Variants in PRTG observed in about 807,000 individuals in gnomAD.
The protein encoded by PRTG is protogenin, also known as immunoglobulin superfamily, DCC subclass, member 5.
In PRTG, 67 loss-of-function variants were observed where a neutral mutation model predicts 122.5. The observed-to-expected ratio is 0.55, with a 90% confidence interval of 0.45 to 0.67. PRTG has a LOEUF of 0.67. Among genes scored for constraint, PRTG ranks in the 30% least tolerant of loss-of-function variants. PRTG has a pLI of 0.00. For synonymous variants in PRTG, 554 were observed against 501.1 expected, an observed-to-expected ratio of 1.11 and a Z score of -1.41; for missense variants, 1,435 against 1,415.4, an observed-to-expected ratio of 1.01 and a Z score of -0.22.
rs1004475934 is a variant in PRTG, at chr15:55,677,850, A to C, written c.1328T>G (p.Leu443Arg). The C allele has an allele frequency of 1.2e-6, 2 of 1,613,916 alleles. No homozygotes were observed. The highest frequency in any genetic ancestry group is 2.7e-5 in the African/African-American group (2 of 75,040). The change falls in exon 8 of 20, where the codon CTT (leucine) becomes CGT (arginine). Residue 443 changes from leucine to arginine, a missense_variant. Transcript: ENST00000389286. Reference sequence around the variant, plus strand: ...GGCAATGACTTTGTCTGAATTATAAAGTGGCCTCTCCCAGGCTAAAAGAAT... The same window carrying C: ...GGCAATGACTTTGTCTGAATTATAACGTGGCCTCTCCCAGGCTAAAAGAAT... ...SAILLAWERP[L>R]YNSDKVIAYS...
In PRTG at chr15:55,611,608, T is replaced by G. The variant is rs1166867034; in HGVS notation, c.*8404A>C. ...ATCAATCAGTATTTAGACAGCAGTT[T>G]CATAAACATTTTGGCATTTAAACTT... On this transcript the variant is annotated 3_prime_UTR_variant, in exon 20 of 20. Coordinates refer to ENST00000389286, the MANE Select transcript of PRTG (RefSeq NM_173814.6). 2 of 152,118 alleles carry G rather than the reference T, an allele frequency of 1.3e-5. No homozygotes were observed. Among genetic ancestry groups the G allele is most frequent in the Non-Finnish European group, 2.9e-5 (2 of 67,996 alleles). 9.4% of individuals were successfully genotyped at this position (152,118 alleles called of 1,614,324 possible).
chr15:55,675,476 A>G (rs781116866), intron 9 of PRTG, 43 bp downstream of exon 9: 4 of 1,370,620 alleles, frequency 2.9e-6, no homozygotes, highest in Non-Finnish European at 2.0e-6. Context: ...GACAAAACAT[A>G]CGAATGTTCA....
chr15:55,637,317 C>G lies in PRTG; in HGVS notation c.2476G>C (p.Val826Leu), dbSNP rs10518816. The G allele has an allele frequency of 5.2e-3, 8,315 of 1,612,858 alleles. 359 individuals are homozygous for G. The African/African-American group carries it at 0.093, about 18-fold the overall frequency. The change falls in exon 15 of 20, where the codon GTA (valine) becomes CTA (leucine). Residue 826 changes from valine (V) to leucine (L), a missense_variant. By Grantham distance (32) the Val-to-Leu change is conservative. Coordinates refer to ENST00000389286, the MANE Select transcript of PRTG (RefSeq NM_173814.6). ...TCATCCTCTATTAATGTCACTTTTA[C>G]TCCAACTGGTGGGCCTGCTGGTGCT... Reference protein sequence around the residue: ...PEAPAGPPVGVKVTLIEDDTA... With the variant: ...PEAPAGPPVGLKVTLIEDDTA...
chr15:55,638,838 A>T (rs2059272900), intron 13 of PRTG, among the ~76,000 whole-genome samples, 162 bp from the exon 14 acceptor site: 1 of 152,228 alleles, frequency 6.6e-6, no homozygotes, highest in Non-Finnish European at 1.5e-5. Context: ...ATTGGACTTT[A>T]AAAAATACTA....
At position 55,613,165 on chromosome 15, in the gene PRTG, C is replaced by G. The variant is rs1322745290; in HGVS notation, c.*6847G>C. The G allele has an allele frequency of 6.6e-6, 1 of 152,040 alleles. No individual in the cohort carries two copies. Among genetic ancestry groups the G allele is most frequent in the Non-Finnish European group, 1.5e-5 (1 of 67,950 alleles). 9.4% of individuals were successfully genotyped at this position (152,040 alleles called of 1,614,324 possible). On this transcript the variant is annotated 3_prime_UTR_variant, in exon 20 of 20. Coordinates refer to ENST00000389286, the MANE Select transcript of PRTG (RefSeq NM_173814.6). ...TGTACCAAACGATTCTCAAAATTGT[C>G]AAGATTAGAACTTAGGTGCTCCAAA...
rs551641293 is a variant in PRTG at position 55,711,740 on chromosome 15, A to T, written c.398-27809T>A. On this transcript the variant is annotated intron_variant, in intron 2 of 19. Coordinates refer to ENST00000389286, the MANE Select transcript of PRTG (RefSeq NM_173814.6). ...GAGTAAGTGCAACTGTGATCAGCCA[A>T]TCCTGGCCCTTATGAGCAGAACCAC... Among the ~76,000 whole-genome samples, 2 of 152,316 alleles carry T rather than the reference A, an allele frequency of 1.3e-5. 1 individual carries two copies. The highest frequency in any genetic ancestry group is 6.8e-3 in the Middle Eastern group (2 of 294).
intron 11 of PRTG, among the ~76,000 whole-genome samples, chr15:55,661,672 T>C (rs766297616): frequency 3.9e-5 from 6 of 152,290 alleles, no homozygotes; most frequent in East Asian, 3.9e-4. Flanking sequence ...CTTCTCCACA[T>C]GAACTGCTTT....
At chr15:55,684,697 G>T in intron 2 of PRTG, among the ~76,000 whole-genome samples, 1 of 12,844 alleles carries the variant, frequency 7.8e-5, no homozygotes, top group Non-Finnish European at 8.1e-3. Context: ...GAACTGGGTG[G>T]TGGCAGTGGA....
intron 1 of PRTG, 99 bp downstream of exon 1, chr15:55,742,739 C>T (rs1595692535): frequency 1.4e-6 from 2 of 1,433,886 alleles, no homozygotes; most frequent in Non-Finnish European, 1.9e-6. Context: ...AGGACCCCGC[C>T]GCGCGCTCCC....
At chr15:55,696,865 T>G (rs2059634786) in intron 2 of PRTG, among the ~76,000 whole-genome samples, 1 of 152,148 alleles carries the variant, frequency 6.6e-6, no homozygotes, top group African/African-American at 2.4e-5. Context: ...AATATTTAGA[T>G]CAAAATACGT....
chr15:55,740,725 A>C, intron 1 of PRTG, 41 bp from the exon 2 acceptor site: 2 of 1,531,246 alleles, frequency 1.3e-6, no homozygotes, highest in Non-Finnish European at 1.8e-6. Flanking sequence ...CCAGAATTAC[A>C]GGCATAAAAT....
In PRTG at chr15:55,613,788, A is replaced by T. The variant is rs1259534135; in HGVS notation, c.*6224T>A. Reference sequence around the variant, plus strand: ...TTTTTTTTTTTTTTTTTTTAAGCTGAGACAATGTATCATAGTCCTATACAC... The same window carrying T: ...TTTTTTTTTTTTTTTTTTTAAGCTGTGACAATGTATCATAGTCCTATACAC... On this transcript the variant is annotated 3_prime_UTR_variant, in exon 20 of 20. Coordinates refer to ENST00000389286, the MANE Select transcript of PRTG (RefSeq NM_173814.6). 2 of 134,500 alleles carry T rather than the reference A, an allele frequency of 1.5e-5. No homozygotes were observed. The highest frequency in any genetic ancestry group is 2.8e-5 in the African/African-American group (1 of 35,696). The allele number at this position is 134,500 out of a possible 1,614,324, so 8.3% of individuals were successfully genotyped here.
At chr15:55,665,535 T>C (rs1595631502) in intron 11 of PRTG, among the ~76,000 whole-genome samples, 1 of 151,250 alleles carries the variant, frequency 6.6e-6, no homozygotes, top group Non-Finnish European at 1.5e-5. Context: ...CTTTCAGTGG[T>C]TAAAAAAATT....
chr15:55,638,686 C>T lies in PRTG; in HGVS notation c.2325-10G>A, dbSNP rs375251863. ...CATGTGAGTTTCTGATCTATAATAA[C>T]GAGTGATGAAGTTGTTAATGCTGGT... On this transcript the variant is annotated splice_polypyrimidine_tract_variant and intron_variant, in intron 13 of 19. Coordinates refer to ENST00000389286, the MANE Select transcript of PRTG (RefSeq NM_173814.6). 112 of 1,607,772 alleles carry T rather than the reference C, an allele frequency of 7.0e-5. No individual in the cohort carries two copies. Among genetic ancestry groups the T allele is most frequent in the East Asian group, 6.7e-5 (3 of 44,694 alleles).
At chr15:55,652,409 C>A (rs2059357738) in intron 11 of PRTG, among the ~76,000 whole-genome samples, 1 of 152,302 alleles carries the variant, frequency 6.6e-6, no homozygotes, top group South Asian at 2.1e-4. Context: ...TTAATTTAAT[C>A]TTTTGTGCTA....
intron 2 of PRTG, among the ~76,000 whole-genome samples, chr15:55,714,865 A>T (rs1055254142): frequency 6.6e-6 from 1 of 152,178 alleles, no homozygotes; most frequent in African/African-American, 2.4e-5. Flanking sequence ...TGTTTAATGA[A>T]GTCAAATGGT....
At chr15:55,738,017 T>TACACACAC (rs1261017143) in intron 2 of PRTG, among the ~76,000 whole-genome samples, 4 of 114,826 alleles carry the variant, frequency 3.5e-5, no homozygotes, top group Admixed American at 1.9e-4. Context: ...TATATATATA[T>TACACACAC]ATATATATAC....
intron 17 of PRTG, 144 bp downstream of exon 17, chr15:55,626,863 TA>T: frequency 1.9e-6 from 1 of 535,348 alleles, no homozygotes; most frequent in Non-Finnish European, 3.0e-6. Context: ...TCTATAGCTG[TA>T]AGAACTCAGG....
intron 5 of PRTG, 83 bp from the exon 6 acceptor site, chr15:55,680,295 A>G (rs2059530260): frequency 4.1e-6 from 5 of 1,224,534 alleles, no homozygotes; most frequent in African/African-American, 3.1e-5. Flanking sequence ...CAAGCAATCA[A>G]TCATGAAAAG....
Sources: gnomAD v4.1 joint callset for allele counts (sites outside exome capture counted in the v4.1 genomes callset) on GRCh38, gnomAD v4.1.1 for gene constraint, MANE v1.5 for transcripts, NCBI Gene and HGNC (gene_info 2026-07-23, HGNC 2026-07-21) for gene names.